Variants in FGGY observed in about 807,000 individuals in gnomAD.
FGGY encodes FGGY carbohydrate kinase domain-containing protein.
Under a neutral mutation model 71.3 loss-of-function variants are expected in FGGY, and 72 were observed. The observed-to-expected ratio is 1.01, with a 90% CI of 0.84 to 1.23. FGGY has a LOEUF of 1.23. FGGY is among the 50% of genes most tolerant of loss of function. The pLI is 0.00. For missense variants in FGGY, 668 were observed against 682.3 expected, an observed-to-expected ratio of 0.98 and a Z score of 0.23; for synonymous variants, 251 against 250.3, an observed-to-expected ratio of 1.00 and a Z score of -0.02.
At chr1:59,472,466 G>A (rs2093005603) in intron 6 of FGGY, among the ~76,000 whole-genome samples, 1 of 152,244 alleles carries the variant, frequency 6.6e-6, no homozygotes, top group African/African-American at 2.4e-5. Context: ...GCTGAGGAAT[G>A]CGGGCGCACG....
At chr1:59,659,819 T>G (rs1034523168) in intron 11 of FGGY, among the ~76,000 whole-genome samples, 1 of 152,210 alleles carries the variant, frequency 6.6e-6, no homozygotes, top group African/African-American at 2.4e-5. Context: ...AGTCTGACAG[T>G]AGCAGAACTC....
intron 5 of FGGY, among the ~76,000 whole-genome samples, chr1:59,397,209 A>G (rs933561934): frequency 6.6e-6 from 1 of 152,188 alleles, no homozygotes; most frequent in Non-Finnish European, 1.5e-5. Context: ...ATTAATAAAG[A>G]CAAATTATTG....
chr1:59,309,928 T>G (rs1570075719), intron 1 of FGGY: 1 of 140,818 alleles, frequency 7.1e-6, no homozygotes. Flanking sequence ...CTGCGGTGAG[T>G]GGAGATTGCA....
intron 14 of FGGY, among the ~76,000 whole-genome samples, chr1:59,724,621 T>G (rs1410308376): frequency 6.6e-6 from 1 of 152,226 alleles, no homozygotes; most frequent in African/African-American, 2.4e-5. Context: ...GGAATCTTGC[T>G]CCACATACTT....
At chr1:59,504,874 G>A (rs769274912) in intron 6 of FGGY, among the ~76,000 whole-genome samples, 101 of 151,920 alleles carry the variant, frequency 6.6e-4, no homozygotes, top group Non-Finnish European at 9.0e-4. Context: ...ATGATCTCTC[G>A]TCTTAAAAAA....
At chr1:59,299,061 C>T (rs970573356) in intron 1 of FGGY, among the ~76,000 whole-genome samples, 5 of 152,112 alleles carry the variant, frequency 3.3e-5, no homozygotes, top group Non-Finnish European at 4.4e-5. Context: ...AAAAGGTATG[C>T]CGAAGACTCC....
chr1:59,444,912 T>C (rs1192805707), intron 5 of FGGY, among the ~76,000 whole-genome samples: 1 of 152,118 alleles, frequency 6.6e-6, no homozygotes, highest in Non-Finnish European at 1.5e-5. Flanking sequence ...TAGTTGTAAT[T>C]GTGTATCCTT....
At chr1:59,500,635 T>A (rs2094193790) in intron 6 of FGGY, among the ~76,000 whole-genome samples, 1 of 132,200 alleles carries the variant, frequency 7.6e-6, no homozygotes, top group Non-Finnish European at 1.5e-5. Context: ...AAGATCACAC[T>A]CTTCATTGTA....
At chr1:59,514,950 A>T (rs2094605164) in intron 7 of FGGY, among the ~76,000 whole-genome samples, 1 of 152,232 alleles carries the variant, frequency 6.6e-6, no homozygotes, top group Non-Finnish European at 1.5e-5. Context: ...ATACTTGAAA[A>T]TGTGGACACA....
chr1:59,535,736 G>T (rs1211437389), intron 7 of FGGY, among the ~76,000 whole-genome samples: 5 of 146,562 alleles, frequency 3.4e-5, no homozygotes, highest in Non-Finnish European at 7.4e-5. Context: ...ATGACTACTG[G>T]GTACATAACG....
chr1:59,621,256 C>T (rs1223961400), intron 9 of FGGY, among the ~76,000 whole-genome samples: 1 of 151,926 alleles, frequency 6.6e-6, no homozygotes, highest in Non-Finnish European at 1.5e-5. Context: ...ATTGAGGCTT[C>T]AATATATGAA....
At chr1:59,657,318 T>A (rs1045058777) in intron 11 of FGGY, among the ~76,000 whole-genome samples, 24 of 152,130 alleles carry the variant, frequency 1.6e-4, no homozygotes, top group Non-Finnish European at 2.6e-4. Flanking sequence ...CCTCTTCCCA[T>A]TGATGACCAG....
intron 2 of FGGY, among the ~76,000 whole-genome samples, chr1:59,327,892 C>T (rs2047721805): frequency 6.6e-6 from 1 of 152,174 alleles, no homozygotes; most frequent in African/African-American, 2.4e-5. Context: ...TGAAAGGAAT[C>T]TCTTTTCTTT....
At chr1:59,657,769 G>A (rs760317721) in intron 11 of FGGY, among the ~76,000 whole-genome samples, 8 of 152,326 alleles carry the variant, frequency 5.3e-5, no homozygotes, top group African/African-American at 9.6e-5. Flanking sequence ...TGAGGTACAG[G>A]GACCCTTCCT....
chr1:59,484,348 A>G (rs1472083920), intron 6 of FGGY, among the ~76,000 whole-genome samples: 3 of 152,056 alleles, frequency 2.0e-5, no homozygotes, highest in Non-Finnish European at 4.4e-5. Context: ...TCTCCCTTAT[A>G]TCATCTTTCT....
chr1:59,480,023 C>G (rs1472257129), intron 6 of FGGY, among the ~76,000 whole-genome samples: 4 of 152,210 alleles, frequency 2.6e-5, no homozygotes, highest in Non-Finnish European at 5.9e-5. Flanking sequence ...TGAACTCTTT[C>G]CACCTCAAAA....
chr1:59,342,849 G>A (rs1255133786), intron 3 of FGGY, among the ~76,000 whole-genome samples: 4 of 152,098 alleles, frequency 2.6e-5, no homozygotes, highest in Non-Finnish European at 4.4e-5. Flanking sequence ...AATTATAAAC[G>A]AATAAATTAA....
chr1:59,644,617 G>GCCCCCCCCC (rs796675574), intron 11 of FGGY, among the ~76,000 whole-genome samples: 2 of 149,734 alleles, frequency 1.3e-5, no homozygotes, highest in African/African-American at 4.9e-5. Context: ...AGACAGACAC[G>GCCCCCCCCC]CCCCCCCCCA....
At chr1:59,665,228 AC>A (rs1429421478) in intron 12 of FGGY, among the ~76,000 whole-genome samples, 1 of 151,826 alleles carries the variant, frequency 6.6e-6, no homozygotes, top group Non-Finnish European at 1.5e-5. Flanking sequence ...GGGGTTCATG[AC>A]CCCCCAAAAA....
Sources: gnomAD v4.1 joint callset for allele counts (sites outside exome capture counted in the v4.1 genomes callset) on GRCh38, gnomAD v4.1.1 for gene constraint, MANE v1.5 for transcripts, NCBI Gene and HGNC (gene_info 2026-07-23, HGNC 2026-07-21) for gene names.